The following SNX29 variants were observed in gnomAD, a reference collection of about 807,000 sequenced individuals.
SNX29 encodes sorting nexin 29, also known as sorting nexin-29.
Under a neutral mutation model 102.1 loss-of-function variants are expected in SNX29, and 78 were observed. That is an observed-to-expected ratio of 0.76 (90% CI 0.64 to 0.92). SNX29 has a LOEUF of 0.92. Ranked by LOEUF, SNX29 falls within the 40% of genes least tolerant of loss-of-function variation. SNX29 has a pLI of 0.00. For missense variants in SNX29, 1,280 were observed against 1,061.7 expected, an observed-to-expected ratio of 1.21 and a Z score of -2.86; for synonymous variants, 580 against 414.5, an observed-to-expected ratio of 1.40 and a Z score of -4.85.
In SNX29 at chr16:12,472,512, A is replaced by G. The variant is rs141156917; in HGVS notation, c.2038-5207A>G. Reference sequence around the variant, plus strand: ...TCAGCCTGGGTGACAGAGCGAGTCTAAATCTCAAAAAAAAACCAAAAAAAA... The same window carrying G: ...TCAGCCTGGGTGACAGAGCGAGTCTGAATCTCAAAAAAAAACCAAAAAAAA... On this transcript the variant is annotated intron_variant, in intron 18 of 20. Coordinates refer to ENST00000566228, the MANE Select transcript of SNX29 (RefSeq NM_032167.5). Among the ~76,000 whole-genome samples the G allele has an allele frequency of 5.2e-4, 78 of 149,052 alleles. No homozygotes were observed. In the East Asian group the frequency reaches 0.015, roughly 28 times the overall value.
chr16:12,324,647 T>A (rs1363796362), intron 15 of SNX29, among the ~76,000 whole-genome samples: 2 of 152,222 alleles, frequency 1.3e-5, no homozygotes, highest in East Asian at 3.9e-4. Context: ...ATTTGTGAAT[T>A]GATCCCCTTC....
rs139407156 is a variant in SNX29 at position 12,048,410 on chromosome 16, A to G, written c.538A>G (p.Lys180Glu). The G allele has an allele frequency of 1.7e-5, 28 of 1,613,682 alleles. No homozygotes were observed. Among genetic ancestry groups the G allele is most frequent in the Non-Finnish European group, 2.2e-5 (26 of 1,179,834 alleles). The change falls in exon 7 of 21, where the codon AAG (lysine) becomes GAG (glutamate). Residue 180 changes from lysine (K) to glutamate (E), a missense_variant. Physicochemically the swap from Lys to Glu is moderately conservative, Grantham distance 56. Coordinates refer to ENST00000566228, the MANE Select transcript of SNX29 (RefSeq NM_032167.5). ...SILFAINIDN[K>E]DLNGQSKFAP... Reference sequence around the variant, plus strand: ...ACTCTTTGCGATTAACATCGACAACAAGGATTTGAACGGGCAGAGTAAGTT... The same window carrying G: ...ACTCTTTGCGATTAACATCGACAACGAGGATTTGAACGGGCAGAGTAAGTT...
chr16:12,458,106 G>A (rs930706327), intron 18 of SNX29, among the ~76,000 whole-genome samples: 1 of 152,228 alleles, frequency 6.6e-6, no homozygotes, highest in African/African-American at 2.4e-5. Context: ...AAAAGACTGT[G>A]CATCTGTAGA....
At chr16:12,568,406 A>G (rs992090380) in intron 20 of SNX29, 100 bp from the exon 21 acceptor site, 52 of 1,503,482 alleles carry the variant, frequency 3.5e-5, no homozygotes, top group Admixed American at 1.5e-4. Context: ...ACAGTTGCCA[A>G]TCAGATCCCT....
At chr16:12,117,932 A>G (rs1015721872) in intron 11 of SNX29, among the ~76,000 whole-genome samples, 1 of 151,924 alleles carries the variant, frequency 6.6e-6, no homozygotes, top group East Asian at 1.9e-4. Flanking sequence ...TGTCCCTACT[A>G]AAAATACAAA....
chr16:12,365,395 C>T (rs1471852199), intron 16 of SNX29, among the ~76,000 whole-genome samples: 6 of 148,686 alleles, frequency 4.0e-5, no homozygotes, highest in African/African-American at 1.5e-4. Context: ...GTGTTTATGT[C>T]AGGCTCTTCG....
At chr16:12,078,690 G>T in intron 10 of SNX29, 143 bp from the exon 11 acceptor site, 6 of 713,464 alleles carry the variant, frequency 8.4e-6, no homozygotes, top group Non-Finnish European at 1.3e-5. Context: ...TGCAGATAAC[G>T]AGGCCTGACT....
intron 1 of SNX29, 68 bp from the exon 2 acceptor site, chr16:11,999,229 A>G: frequency 7.0e-7 from 1 of 1,423,378 alleles, no homozygotes; most frequent in Non-Finnish European, 9.9e-7. Flanking sequence ...GTAGGAAAGG[A>G]CTGATCTAGT....
chr16:12,068,427 G>A (rs1417777769), intron 9 of SNX29, among the ~76,000 whole-genome samples: 1 of 149,790 alleles, frequency 6.7e-6, no homozygotes, highest in Non-Finnish European at 1.5e-5. Context: ...GGTTGAAGCT[G>A]CAGTGAGCCG....
chr16:12,276,384 C>G (rs776471736), intron 14 of SNX29, among the ~76,000 whole-genome samples: 72 of 152,194 alleles, frequency 4.7e-4, no homozygotes, highest in African/African-American at 6.5e-4. Flanking sequence ...TGCTGTCACT[C>G]AGGGTCTTGA....
At chr16:12,368,072 G>T (rs2082550340) in intron 16 of SNX29, among the ~76,000 whole-genome samples, 1 of 152,188 alleles carries the variant, frequency 6.6e-6, no homozygotes, top group Non-Finnish European at 1.5e-5. Context: ...GCACCTGGGG[G>T]GAGTTGGAAG....
chr16:12,531,797 C>T (rs373641353), intron 20 of SNX29, among the ~76,000 whole-genome samples: 6 of 152,214 alleles, frequency 3.9e-5, no homozygotes, highest in African/African-American at 1.4e-4. Flanking sequence ...GGCCCAGAGC[C>T]AGGCGAGGGC....
In SNX29 at chr16:12,477,892, C is replaced by T. The variant is rs752822371; in HGVS notation, c.2178+33C>T. The T allele has an allele frequency of 2.7e-5, 42 of 1,552,438 alleles. No homozygotes were observed. In the East Asian group the frequency reaches 5.1e-4, roughly 19 times the overall value. The stretch of plus-strand genomic sequence containing the variant: ...CCCGTGCTGGGAAGCCCACTTGTCA[C>T]TGCCTGCGTTAAAATGGATTATTTA... On this transcript the variant is annotated intron_variant, in intron 19 of 20. Transcript: ENST00000566228.
intron 11 of SNX29, among the ~76,000 whole-genome samples, chr16:12,086,091 C>T (rs542831857): frequency 2.0e-5 from 3 of 151,484 alleles, no homozygotes; most frequent in South Asian, 4.2e-4. Context: ...GCAAGCTCCG[C>T]CTCCCGGGCT....
intron 14 of SNX29, among the ~76,000 whole-genome samples, chr16:12,230,286 C>T (rs907911268): frequency 2.8e-4 from 42 of 152,178 alleles, no homozygotes; most frequent in African/African-American, 8.7e-4. Flanking sequence ...TCTGACTTCC[C>T]GTTTGGGCAA....
chr16:12,391,216 G>A (rs142004086), intron 16 of SNX29, among the ~76,000 whole-genome samples: 1 of 152,174 alleles, frequency 6.6e-6, no homozygotes, highest in East Asian at 1.9e-4. Flanking sequence ...GAATTACTGG[G>A]ATTACAAGCA....
intron 13 of SNX29, among the ~76,000 whole-genome samples, chr16:12,181,748 G>A (rs567410102): frequency 3.3e-5 from 5 of 152,162 alleles, no homozygotes; most frequent in Admixed American, 2.0e-4. Flanking sequence ...CAGATCTGTC[G>A]CTTGCCTCTG....
In SNX29 at chr16:12,555,255, T is replaced by C. The variant is rs1186235736; in HGVS notation, c.2319-13251T>C. Among the ~76,000 whole-genome samples the C allele has an allele frequency of 4.6e-5, 7 of 150,904 alleles. No individual in the cohort carries two copies. The East Asian group carries it at 1.2e-3, about 27-fold the overall frequency. The stretch of plus-strand genomic sequence containing the variant: ...AAATGGAGGTGAGAGATGAGGGTGC[T>C]CAAACCCAGGGTATGACCTCCCAGA... On this transcript the variant is annotated intron_variant, in intron 20 of 20. Transcript: ENST00000566228.
chr16:12,424,093 C>T (rs1040952339), intron 18 of SNX29, among the ~76,000 whole-genome samples: 5 of 152,312 alleles, frequency 3.3e-5, no homozygotes, highest in East Asian at 1.9e-4. Flanking sequence ...GCCTCAGAGG[C>T]GTGATCAGAA....
Sources: allele counts gnomAD v4.1 joint callset (sites outside exome capture counted in the v4.1 genomes callset), GRCh38; gene constraint gnomAD v4.1.1; transcripts MANE v1.5; gene names NCBI Gene and HGNC (gene_info 2026-07-23, HGNC 2026-07-21).